The following COG6 variants were observed in gnomAD, a reference collection of about 807,000 sequenced individuals.
COG6 encodes component of oligomeric golgi complex 6.
In COG6, 74 loss-of-function variants were observed where a neutral mutation model predicts 88.8. The ratio of observed to expected loss-of-function variants is 0.83; its 90% CI spans 0.69 to 1.01. COG6 has a LOEUF of 1.01. Ranked by LOEUF, COG6 falls within the 50% of genes least tolerant of loss-of-function variation. The pLI is 0.00. For missense variants in COG6, 800 were observed against 797.9 expected (o/e 1.00, Z -0.03); for synonymous variants, 286 against 278.7 (o/e 1.03, Z -0.26).
chr13:39,662,270 G>C (rs1188123929), intron 3 of COG6, among the ~76,000 whole-genome samples: 1 of 151,348 alleles, frequency 6.6e-6, no homozygotes, highest in African/African-American at 2.4e-5. Flanking sequence ...AGGATTACAG[G>C]CGCCTGACAC....
chr13:39,668,332 C>G (rs547702557), intron 4 of COG6, among the ~76,000 whole-genome samples: 1 of 152,074 alleles, frequency 6.6e-6, no homozygotes, highest in Non-Finnish European at 1.5e-5. Flanking sequence ...TTTGAAACAC[C>G]TGGCCTTAGA....
chr13:39,706,554 G>C (rs1877934782), intron 13 of COG6, among the ~76,000 whole-genome samples: 1 of 151,714 alleles, frequency 6.6e-6, no homozygotes, highest in African/African-American at 2.4e-5. Context: ...CTACAGAAGG[G>C]ATAAAAAGTA....
At chr13:39,692,106 G>T (rs1189117216) in intron 11 of COG6, among the ~76,000 whole-genome samples, 2 of 151,986 alleles carry the variant, frequency 1.3e-5, no homozygotes, top group Non-Finnish European at 2.9e-5. Context: ...ATTTGTAAAT[G>T]TATGCATTAA....
In COG6 at chr13:39,723,318, T is replaced by C. The variant is rs1398710399; in HGVS notation, c.1585-15T>C. 1 of 1,506,810 alleles carries C rather than the reference T, an allele frequency of 6.6e-7. No individual in the cohort carries two copies. Among genetic ancestry groups the C allele is most frequent in the Admixed American group, 1.7e-5 (1 of 59,672 alleles). 93.3% of individuals were successfully genotyped at this position (1,506,810 alleles called of 1,614,324 possible). On this transcript the variant is annotated splice_polypyrimidine_tract_variant and intron_variant, in intron 15 of 18. Transcript: ENST00000455146. The stretch of plus-strand genomic sequence containing the variant: ...CATTCTTCTTTTAAAATGTTTTCTT[T>C]GTGTTTTATTTTAGATCGAAGCACA...
intron 18 of COG6, among the ~76,000 whole-genome samples, chr13:39,743,139 A>C (rs1369125168): frequency 1.3e-5 from 2 of 152,228 alleles, no homozygotes; most frequent in African/African-American, 2.4e-5. Flanking sequence ...TAAATGCCCA[A>C]AAGAGAAAGC....
chr13:39,756,786 A>G (rs548527379), downstream of COG6, among the ~76,000 whole-genome samples: 73 of 152,264 alleles, frequency 4.8e-4, 1 homozygote, highest in South Asian at 0.013. Flanking sequence ...TGTATCTGGC[A>G]AAACTGTGAA....
chr13:39,717,548 G>A lies in COG6; in HGVS notation c.1285-1688G>A, dbSNP rs78574305. Among the ~76,000 whole-genome samples, 718 of 151,534 alleles carry A rather than the reference G, an allele frequency of 4.7e-3. 6 individuals are homozygous for A. Among genetic ancestry groups the A allele is most frequent in the African/African-American group, 0.016 (658 of 41,264 alleles). On this transcript the variant is annotated intron_variant, in intron 13 of 18. Transcript: ENST00000455146. ...TCTTTAAGTTCCTGTCTTTAAGTTCGCTGATTATTTATTCCACCTGCTCAA... is the reference window on the plus strand; with the variant it reads ...TCTTTAAGTTCCTGTCTTTAAGTTCACTGATTATTTATTCCACCTGCTCAA...
intron 18 of COG6, among the ~76,000 whole-genome samples, chr13:39,737,483 T>G (rs1172563403): frequency 6.7e-6 from 1 of 150,076 alleles, no homozygotes. Flanking sequence ...ACCTTAGGAA[T>G]CTATTATATG....
At chr13:39,692,132 C>G (rs1011150424) in intron 11 of COG6, among the ~76,000 whole-genome samples, 1 of 151,944 alleles carries the variant, frequency 6.6e-6, no homozygotes, top group Admixed American at 6.6e-5. Context: ...GATCTGTAAA[C>G]CTATTGCCAG....
chr13:39,679,551 C>T lies in COG6; in HGVS notation c.554C>T (p.Ala185Val), dbSNP rs751617784. ...TTAATTTTAAAGGATTTTTTCAAGG[C>T]ACTGGGAAGAGTAAAACAGATTCAT... ...EGPITEDFFK[A>V]LGRVKQIHND... Residue 185 changes from alanine (A) to valine (V), a missense_variant, in exon 6 of 19, where the codon GCA becomes GTA. Physicochemically the swap from Ala to Val is moderately conservative, Grantham distance 64 (BLOSUM62 0). Transcript: ENST00000455146. 1 of 1,583,606 alleles carries T rather than the reference C, an allele frequency of 6.3e-7. No homozygotes were observed. Among genetic ancestry groups the T allele is most frequent in the South Asian group, 1.1e-5 (1 of 90,510 alleles).
chr13:39,734,322 A>T (rs973258585), intron 18 of COG6, among the ~76,000 whole-genome samples: 9 of 152,082 alleles, frequency 5.9e-5, no homozygotes, highest in East Asian at 5.8e-4. Flanking sequence ...GTTTCAATAA[A>T]TTTTTTAATT....
chr13:39,691,259 A>G (rs1030711484), intron 11 of COG6, among the ~76,000 whole-genome samples: 5 of 151,852 alleles, frequency 3.3e-5, no homozygotes, highest in African/African-American at 1.2e-4. Context: ...AAATGTTTAA[A>G]CTAATCCAGC....
intron 11 of COG6, among the ~76,000 whole-genome samples, chr13:39,694,174 T>C (rs191503188): frequency 6.6e-4 from 101 of 151,972 alleles, no homozygotes; most frequent in African/African-American, 2.3e-3. Context: ...ATTTGCCTAG[T>C]TTTCTATTCT....
chr13:39,787,368 T>G (rs1232124427), intron 18 of COG6, among the ~76,000 whole-genome samples: 1 of 152,130 alleles, frequency 6.6e-6, no homozygotes, highest in African/African-American at 2.4e-5. Flanking sequence ...CTGTATCAAG[T>G]GATGTGTGTG....
chr13:39,680,922 C>A (rs1280911978), intron 7 of COG6, among the ~76,000 whole-genome samples: 2 of 152,154 alleles, frequency 1.3e-5, no homozygotes, highest in African/African-American at 4.8e-5. Context: ...GGTCTACTGC[C>A]TTAATTTCAT....
At chr13:39,657,847 C>T (rs1043500636) in intron 1 of COG6, among the ~76,000 whole-genome samples, 6 of 152,098 alleles carry the variant, frequency 3.9e-5, no homozygotes, top group African/African-American at 1.2e-4. Flanking sequence ...CATGATTACT[C>T]TCAAATTTAT....
chr13:39,759,119 GA>G (rs538161447), intron 18 of COG6, among the ~76,000 whole-genome samples: 152 of 152,298 alleles, frequency 1.0e-3, no homozygotes, highest in African/African-American at 3.2e-3. Context: ...TGGAGTGATA[GA>G]AATGTCCTGG....
chr13:39,757,699 A>G (rs755557360), intron 18 of COG6, among the ~76,000 whole-genome samples: 9 of 152,182 alleles, frequency 5.9e-5, no homozygotes, highest in Non-Finnish European at 1.2e-4. Flanking sequence ...AAAAACACAA[A>G]GTACCAAAAT....
At chr13:39,730,484 C>A (rs1245366575) in intron 18 of COG6, among the ~76,000 whole-genome samples, 1 of 151,830 alleles carries the variant, frequency 6.6e-6, no homozygotes, top group African/African-American at 2.4e-5. Flanking sequence ...TAAGATTTAA[C>A]GTCAGGCCGG....
Sources: allele counts gnomAD v4.1 joint callset (sites outside exome capture counted in the v4.1 genomes callset), GRCh38; gene constraint gnomAD v4.1.1; transcripts MANE v1.5; gene names NCBI Gene and HGNC (gene_info 2026-07-23, HGNC 2026-07-21).